Variants in AKAP13 observed in about 807,000 individuals in gnomAD.
AKAP13 encodes A-kinase anchor protein 13.
A neutral mutation model predicts 264.5 loss-of-function variants in AKAP13; 80 were observed. That is an observed-to-expected ratio of 0.30 (90% CI 0.25 to 0.36). The LOEUF (loss-of-function observed/expected upper bound fraction) is 0.36, where lower values mean the gene tolerates loss of function less well. AKAP13 is among the 10% of genes least tolerant of loss of function. The pLI is 1.00. For synonymous variants in AKAP13, 1,380 were observed against 1,250.2 expected (o/e 1.10, Z -2.19); for missense variants, 3,712 against 3,435.2 (o/e 1.08, Z -2.01).
chr15:85,408,169 C>T lies in AKAP13; in HGVS notation c.-12+27371C>T, dbSNP rs1053819045. Among the ~76,000 whole-genome samples the T allele has an allele frequency of 5.3e-5, 8 of 151,576 alleles. No individual in the cohort carries two copies. In the East Asian group the frequency reaches 1.3e-3, roughly 26 times the overall value. ...TAATGTTTACATTTGGCTTAGATTACCTCATTCAAAGTGGTTCTTGATTTT... is the reference window on the plus strand; with the variant it reads ...TAATGTTTACATTTGGCTTAGATTATCTCATTCAAAGTGGTTCTTGATTTT... On this transcript the variant is annotated intron_variant, in intron 1 of 36. Coordinates refer to ENST00000394518, the MANE Select transcript of AKAP13 (RefSeq NM_007200.5).
intron 10 of AKAP13, among the ~76,000 whole-genome samples, chr15:85,651,932 G>C (rs367796270): frequency 2.0e-5 from 3 of 152,140 alleles, no homozygotes; most frequent in Non-Finnish European, 4.4e-5. Flanking sequence ...TTTCCCAAGC[G>C]GTTGTACCAT....
chr15:85,437,507 G>C (rs532881568), intron 1 of AKAP13, among the ~76,000 whole-genome samples: 1 of 151,146 alleles, frequency 6.6e-6, no homozygotes, highest in African/African-American at 2.4e-5. Context: ...GCCGGGCAGA[G>C]ACACAACCAA....
rs1038906888 is a variant in AKAP13 at position 85,746,047 on chromosome 15, C to T, written c.*1370C>T. On this transcript the variant is annotated 3_prime_UTR_variant, in exon 37 of 37. Transcript: ENST00000394518. ...CAGGACAGTTCATGGTAATGTTGCC[C>T]TCTGAGGCCCCGTACACCAGAAGGG... The T allele has an allele frequency of 6.6e-6, 1 of 152,274 alleles. No individual in the cohort carries two copies. The highest frequency in any genetic ancestry group is 1.9e-4 in the East Asian group (1 of 5,186). The allele number at this position is 152,274 out of a possible 1,614,324, so 9.4% of individuals were successfully genotyped here. A position where few individuals can be genotyped will look rare whatever the true frequency, so the allele number is the denominator to read the frequency against.
chr15:85,408,875 A>T (rs1442315527), intron 1 of AKAP13, among the ~76,000 whole-genome samples: 1 of 151,676 alleles, frequency 6.6e-6, no homozygotes, highest in East Asian at 1.9e-4. Flanking sequence ...TGGTAATTCT[A>T]TTTTTAATTT....
At chr15:85,662,123 G>T (rs1453490175) in intron 12 of AKAP13, among the ~76,000 whole-genome samples, 1 of 152,146 alleles carries the variant, frequency 6.6e-6, no homozygotes, top group Non-Finnish European at 1.5e-5. Context: ...GAATTTTTGG[G>T]TTTCAGGTTG....
In AKAP13 at chr15:85,669,588, C is replaced by G. The variant is rs540118287; in HGVS notation, c.4993-134C>G. 3 of 568,536 alleles carry G rather than the reference C, an allele frequency of 5.3e-6. No individual in the cohort carries two copies. The East Asian group carries it at 9.8e-5, about 19-fold the overall frequency. The allele number at this position is 568,536 out of a possible 1,614,324, so 35.2% of individuals were successfully genotyped here. ...CAGACTTTAACCTAAGTCTGTCTGA[C>G]CACAAGGCCTGTGCTCTCACCCGCT... is the stretch of plus-strand genomic sequence containing the variant. On this transcript the variant is annotated intron_variant, in intron 13 of 36. Transcript: ENST00000394518.
chr15:85,641,377 C>T (rs897330031), intron 9 of AKAP13, among the ~76,000 whole-genome samples: 7 of 150,104 alleles, frequency 4.7e-5, no homozygotes, highest in Non-Finnish European at 1.0e-4. Flanking sequence ...ACCTGGGAGG[C>T]GGAGGTTGCA....
intron 1 of AKAP13, among the ~76,000 whole-genome samples, chr15:85,425,330 A>G (rs1471784923): frequency 1.3e-5 from 2 of 152,168 alleles, no homozygotes; most frequent in Non-Finnish European, 2.9e-5. Flanking sequence ...ACAGTTTTCT[A>G]GGTGTGTTTA....
At chr15:85,695,773 C>T (rs142271575) in intron 17 of AKAP13, among the ~76,000 whole-genome samples, 35 of 152,272 alleles carry the variant, frequency 2.3e-4, no homozygotes, top group African/African-American at 8.2e-4. Context: ...CCATTGAGAG[C>T]CACTACCACA....
chr15:85,434,214 G>T (rs2073160859), intron 1 of AKAP13, among the ~76,000 whole-genome samples: 1 of 152,020 alleles, frequency 6.6e-6, no homozygotes, highest in African/African-American at 2.4e-5. Context: ...GGTGACGGAC[G>T]CACCTGGAAA....
intron 1 of AKAP13, among the ~76,000 whole-genome samples, chr15:85,417,215 G>C (rs2072281852): frequency 6.6e-6 from 1 of 152,138 alleles, no homozygotes; most frequent in Non-Finnish European, 1.5e-5. Context: ...TCCTAGGCAG[G>C]AGCCAGCTTT....
At chr15:85,457,195 G>C (rs886941581) in intron 1 of AKAP13, among the ~76,000 whole-genome samples, 8 of 152,148 alleles carry the variant, frequency 5.3e-5, no homozygotes, top group Non-Finnish European at 8.8e-5. Flanking sequence ...AATAGTAAGA[G>C]GCATGTCTAA....
intron 8 of AKAP13, among the ~76,000 whole-genome samples, chr15:85,603,958 T>G (rs897273663): frequency 1.3e-5 from 2 of 152,210 alleles, no homozygotes; most frequent in African/African-American, 4.8e-5. Flanking sequence ...TCAGCCATGT[T>G]TTCATGCACA....
chr15:85,389,164 A>G (rs2070733732), intron 1 of AKAP13, among the ~76,000 whole-genome samples: 1 of 152,086 alleles, frequency 6.6e-6, no homozygotes, highest in Non-Finnish European at 1.5e-5. Flanking sequence ...TTGGCTTACT[A>G]CTGGGTGTGA....
intron 10 of AKAP13, among the ~76,000 whole-genome samples, chr15:85,653,972 C>T (rs1038995543): frequency 2.0e-5 from 3 of 152,202 alleles, no homozygotes. Flanking sequence ...CTTCCTCAGC[C>T]TCCCCAGTAG....
chr15:85,422,969 G>C lies in AKAP13; in HGVS notation c.-12+42171G>C, dbSNP rs917026243. 5.3e-5 allele frequency among the ~76,000 whole-genome samples: 8 copies of C among 152,184 alleles called. No homozygotes were observed. The East Asian group carries it at 1.3e-3, about 26-fold the overall frequency. On this transcript the variant is annotated intron_variant, in intron 1 of 36. Coordinates refer to ENST00000394518, the MANE Select transcript of AKAP13 (RefSeq NM_007200.5). ...AGTCACACATGTTTTTTGTTTCCCG[G>C]TGCATATGTTTTGTTTATACTATGC...
Position 85,548,247 on chromosome 15 carries a change from C to T in AKAP13, c.662+4292C>T, listed in dbSNP as rs908630569. On this transcript the variant is annotated intron_variant, in intron 5 of 36. Coordinates refer to ENST00000394518, the MANE Select transcript of AKAP13 (RefSeq NM_007200.5). The stretch of plus-strand genomic sequence containing the variant: ...TTGGCTCTGCCATTTGCAAACTTTC[C>T]TTGCTAAGCCTTGATTTCTTCATCT... 7.9e-5 allele frequency among the ~76,000 whole-genome samples: 12 copies of T among 152,232 alleles called. No individual in the cohort carries two copies. The South Asian group carries it at 2.5e-3, about 32-fold the overall frequency.
chr15:85,730,829 A>ACT, intron 30 of AKAP13, 122 bp downstream of exon 30: 1 of 830,482 alleles, frequency 1.2e-6, no homozygotes, highest in African/African-American at 1.7e-5. Flanking sequence ...ACCCAAAACA[A>ACT]ATATTTCACT....
At chr15:85,573,546 AAAATAAAT>A (rs141173816) in intron 5 of AKAP13, among the ~76,000 whole-genome samples, 3 of 145,790 alleles carry the variant, frequency 2.1e-5, no homozygotes, top group Admixed American at 6.8e-5. Flanking sequence ...CTCTGTCTCA[AAAATAAAT>A]AAATAAATAA....
Sources: gnomAD v4.1 joint callset for allele counts (sites outside exome capture counted in the v4.1 genomes callset) on GRCh38, gnomAD v4.1.1 for gene constraint, MANE v1.5 for transcripts, NCBI Gene and HGNC (gene_info 2026-07-23, HGNC 2026-07-21) for gene names.